Variants in PALLD observed in about 807,000 individuals in gnomAD.
PALLD encodes the protein palladin.
In PALLD, 61 loss-of-function variants were observed where a neutral mutation model predicts 123.5. That is an observed-to-expected ratio of 0.49 (90% CI 0.40 to 0.61). The LOEUF (loss-of-function observed/expected upper bound fraction) is 0.61, where lower values mean the gene tolerates loss of function less well. Among genes scored for constraint, PALLD ranks in the 20% least tolerant of loss-of-function variants. The pLI, the probability that PALLD is intolerant of heterozygous loss-of-function variation, is 0.00. For missense variants in PALLD, 1,273 were observed against 1,377.0 expected, an observed-to-expected ratio of 0.92 and a Z score of 1.20; for synonymous variants, 465 against 496.4, an observed-to-expected ratio of 0.94 and a Z score of 0.84.
intron 10 of PALLD, among the ~76,000 whole-genome samples, chr4:168,731,118 C>T (rs560321168): frequency 6.6e-6 from 1 of 152,256 alleles, no homozygotes; most frequent in East Asian, 1.9e-4. Context: ...GTTAGCATCC[C>T]TCATGTTTGA....
Position 168,878,407 on chromosome 4 carries a change from C to G in PALLD, c.1965-12515C>G. On this transcript the variant is annotated intron_variant, in intron 10 of 21. Transcript: ENST00000505667. ...GTGTCACCCCCGCGTGAGTAACCGC[C>G]GCGGTCCTCCACTTCCCTGCCCCTC... is the stretch of plus-strand genomic sequence containing the variant. 9 of 1,471,672 alleles carry G rather than the reference C, an allele frequency of 6.1e-6. No individual in the cohort carries two copies. The highest frequency in any genetic ancestry group is 8.1e-6 in the Non-Finnish European group (9 of 1,116,672). The allele number at this position is 1,471,672 out of a possible 1,614,324, so 91.2% of individuals were successfully genotyped here. A position where few individuals can be genotyped will look rare whatever the true frequency, so the allele number is the denominator to read the frequency against.
chr4:168,576,530 T>C (rs1769616233), intron 2 of PALLD, among the ~76,000 whole-genome samples: 1 of 152,166 alleles, frequency 6.6e-6, no homozygotes, highest in African/African-American at 2.4e-5. Flanking sequence ...AATGATGGTT[T>C]CCAGCTTCAT....
chr4:168,909,018 G>A (rs1221493931), intron 15 of PALLD, among the ~76,000 whole-genome samples: 3 of 152,170 alleles, frequency 2.0e-5, no homozygotes, highest in East Asian at 1.9e-4. Context: ...TATCACACTC[G>A]ATGTGTGTAG....
chr4:168,561,756 A>G (rs1010672060), intron 2 of PALLD, among the ~76,000 whole-genome samples: 1 of 152,186 alleles, frequency 6.6e-6, no homozygotes, highest in African/African-American at 2.4e-5. Flanking sequence ...GCTTAGCTTT[A>G]CTTGAAGTAG....
chr4:168,588,211 G>A (rs1340399075), intron 2 of PALLD, among the ~76,000 whole-genome samples: 1 of 152,038 alleles, frequency 6.6e-6, no homozygotes, highest in Admixed American at 6.5e-5. Flanking sequence ...GCCCTGGGAG[G>A]ATGGATTTGT....
intron 5 of PALLD, among the ~76,000 whole-genome samples, chr4:168,683,793 A>G (rs1218703713): frequency 6.6e-6 from 1 of 152,204 alleles, no homozygotes; most frequent in Non-Finnish European, 1.5e-5. Flanking sequence ...ATGTAAACTC[A>G]TTCCTAAGTA....
intron 3 of PALLD, among the ~76,000 whole-genome samples, chr4:168,674,267 GC>G (rs964129995): frequency 3.5e-4 from 53 of 152,138 alleles, no homozygotes; most frequent in Non-Finnish European, 6.0e-4. Flanking sequence ...GATGTGTCAG[GC>G]CGGTAGTTGC....
intron 3 of PALLD, 103 bp downstream of exon 3, chr4:168,668,471 A>G (rs765356538): frequency 3.4e-6 from 3 of 892,028 alleles, no homozygotes; most frequent in Admixed American, 2.7e-5. Flanking sequence ...AAATGGCACA[A>G]TGGTGTTCTA....
At chr4:168,816,130 G>A (rs1741878703) in intron 10 of PALLD, among the ~76,000 whole-genome samples, 1 of 152,084 alleles carries the variant, frequency 6.6e-6, no homozygotes, top group African/African-American at 2.4e-5. Flanking sequence ...TATATGTAAG[G>A]AAACACTGCT....
chr4:168,845,519 GTAT>G (rs1746709404), intron 10 of PALLD, among the ~76,000 whole-genome samples: 1 of 152,138 alleles, frequency 6.6e-6, no homozygotes, highest in African/African-American at 2.4e-5. Context: ...TTTACATTAG[GTAT>G]TATAAGTAAT....
At chr4:168,703,920 C>A (rs1783958511) in intron 8 of PALLD, among the ~76,000 whole-genome samples, 1 of 151,860 alleles carries the variant, frequency 6.6e-6, no homozygotes, top group African/African-American at 2.4e-5. Flanking sequence ...TTAATTAGAT[C>A]CCATGTGTCA....
rs540727971 is a variant in PALLD, at chr4:168,727,368, C to T, written c.1964+15445C>T. 2.0e-5 allele frequency among the ~76,000 whole-genome samples: 3 copies of T among 152,214 alleles called. No individual in the cohort carries two copies. The South Asian group carries it at 6.2e-4, about 32-fold the overall frequency. On this transcript the variant is annotated intron_variant, in intron 10 of 21. Coordinates refer to ENST00000505667, the MANE Select transcript of PALLD (RefSeq NM_001166108.2). ...ACAGTATGTAAGCATTCCCTTTTTT[C>T]CATAGCCTGACCAGCATCTGTTGTT...
At chr4:168,788,666 A>C (rs1737091283) in intron 10 of PALLD, among the ~76,000 whole-genome samples, 1 of 152,154 alleles carries the variant, frequency 6.6e-6, no homozygotes, top group East Asian at 1.9e-4. Context: ...AGTTCTAGCC[A>C]GCGTACCACT....
chr4:168,748,649 G>A (rs1730627031), intron 10 of PALLD, among the ~76,000 whole-genome samples: 1 of 152,170 alleles, frequency 6.6e-6, no homozygotes, highest in South Asian at 2.1e-4. Context: ...CACTCAGGCT[G>A]TATTTTCATC....
At chr4:168,673,681 TGAGTCA>T (rs1445920143) in intron 3 of PALLD, among the ~76,000 whole-genome samples, 1 of 151,412 alleles carries the variant, frequency 6.6e-6, no homozygotes, top group African/African-American at 2.4e-5. Flanking sequence ...GATGAGGGAG[TGAGTCA>T]GATTCGAGTT....
chr4:168,810,834 A>AAAAAAAG (rs1561549714), intron 10 of PALLD, among the ~76,000 whole-genome samples: 2 of 145,684 alleles, frequency 1.4e-5, no homozygotes, highest in South Asian at 2.1e-4. Flanking sequence ...AAAGAAAAAA[A>AAAAAAAG]AAGAAGAAGA....
chr4:168,504,595 A>G (rs1158378942), intron 1 of PALLD, among the ~76,000 whole-genome samples: 1 of 57,850 alleles, frequency 1.7e-5, no homozygotes, highest in Non-Finnish European at 4.7e-5. Flanking sequence ...CTCCAACTCA[A>G]AAAAAAAAAA....
intron 10 of PALLD, among the ~76,000 whole-genome samples, chr4:168,859,778 G>A (rs186045520): frequency 6.6e-6 from 1 of 152,100 alleles, no homozygotes. Context: ...AGTAGAAACA[G>A]AATGTGAACC....
chr4:168,517,788 A>G (rs139448967), intron 2 of PALLD, among the ~76,000 whole-genome samples: 203 of 152,320 alleles, frequency 1.3e-3, no homozygotes, highest in African/African-American at 4.0e-3. Flanking sequence ...CGTTGTTGTT[A>G]AAGAATATAG....
Sources: allele counts gnomAD v4.1 joint callset (sites outside exome capture counted in the v4.1 genomes callset), GRCh38; gene constraint gnomAD v4.1.1; transcripts MANE v1.5; gene names NCBI Gene and HGNC (gene_info 2026-07-23, HGNC 2026-07-21).